TMPRSS11E: variants seen among roughly 807,000 people sequenced by gnomAD.
The protein encoded by TMPRSS11E is transmembrane protease serine 11E.
In TMPRSS11E, 38 loss-of-function variants were observed where a neutral mutation model predicts 48.1. The ratio of observed to expected loss-of-function variants is 0.79; its 90% CI spans 0.61 to 1.04. The LOEUF (loss-of-function observed/expected upper bound fraction) is 1.04. Ranked by LOEUF, TMPRSS11E falls within the 50% of genes least tolerant of loss-of-function variation. TMPRSS11E has a pLI of 0.00. For missense variants in TMPRSS11E, 530 were observed against 510.8 expected, an observed-to-expected ratio of 1.04 and a Z score of -0.36; for synonymous variants, 158 against 171.9, an observed-to-expected ratio of 0.92 and a Z score of 0.63.
At chr4:68,461,041 C>G (rs1728776791) in intron 1 of TMPRSS11E, among the ~76,000 whole-genome samples, 1 of 151,978 alleles carries the variant, frequency 6.6e-6, no homozygotes, top group Non-Finnish European at 1.5e-5. Context: ...CCACCATGCC[C>G]GGCTAATTTT....
At chr4:68,483,009 T>C (rs1729450516) in intron 9 of TMPRSS11E, among the ~76,000 whole-genome samples, 1 of 152,234 alleles carries the variant, frequency 6.6e-6, no homozygotes, top group Admixed American at 6.5e-5. Context: ...AATATCTTTA[T>C]AGCAATGCCA....
intron 1 of TMPRSS11E, among the ~76,000 whole-genome samples, chr4:68,449,989 A>G (rs1728449219): frequency 6.6e-6 from 1 of 151,842 alleles, no homozygotes. Flanking sequence ...GTGTCTGATA[A>G]GGAGGATGAC....
intron 1 of TMPRSS11E, among the ~76,000 whole-genome samples, chr4:68,449,876 G>A (rs1430349154): frequency 2.0e-4 from 30 of 151,820 alleles, no homozygotes; most frequent in Non-Finnish European, 4.4e-5. Context: ...CAAGGGAGAA[G>A]AGTACTCATT....
chr4:68,469,270 G>T (rs1032700508), intron 4 of TMPRSS11E, among the ~76,000 whole-genome samples: 1 of 151,976 alleles, frequency 6.6e-6, no homozygotes, highest in African/African-American at 2.4e-5. Context: ...AGTGCCCCAT[G>T]TAAGACAATA....
At chr4:68,478,415 A>G (rs1339440040) in intron 8 of TMPRSS11E, among the ~76,000 whole-genome samples, 4 of 134,780 alleles carry the variant, frequency 3.0e-5, no homozygotes, top group African/African-American at 1.1e-4. Context: ...AAGTGCTGGG[A>G]TTACAGGTGT....
At chr4:68,469,621 C>A (rs901051579) in intron 4 of TMPRSS11E, among the ~76,000 whole-genome samples, 1 of 151,832 alleles carries the variant, frequency 6.6e-6, no homozygotes, top group African/African-American at 2.4e-5. Context: ...ATTCTGTACT[C>A]TCTGGTGTTT....
At chr4:68,492,829 C>T (rs1217025654) in intron 9 of TMPRSS11E, among the ~76,000 whole-genome samples, 1 of 152,138 alleles carries the variant, frequency 6.6e-6, no homozygotes, top group East Asian at 1.9e-4. Flanking sequence ...CAGAACACGA[C>T]TACCATGAAT....
chr4:68,458,023 T>C (rs537364856), intron 1 of TMPRSS11E, among the ~76,000 whole-genome samples: 1 of 152,284 alleles, frequency 6.6e-6, no homozygotes, highest in African/African-American at 2.4e-5. Context: ...ATGGCACGTG[T>C]ATACCTATGT....
chr4:68,458,629 ACTTT>A (rs758117116), intron 1 of TMPRSS11E, among the ~76,000 whole-genome samples: 2 of 152,184 alleles, frequency 1.3e-5, no homozygotes, highest in Non-Finnish European at 2.9e-5. Flanking sequence ...TCACTTTACT[ACTTT>A]CTTTGAGCAT....
intron 3 of TMPRSS11E, 150 bp from the exon 4 acceptor site, chr4:68,468,729 A>C: frequency 5.8e-6 from 4 of 687,324 alleles, no homozygotes; most frequent in Non-Finnish European, 1.0e-5. Context: ...ACCACAATAG[A>C]TTCCTCAAGC....
intron 3 of TMPRSS11E, among the ~76,000 whole-genome samples, chr4:68,467,674 C>A (rs1281553649): frequency 3.3e-5 from 5 of 152,114 alleles, no homozygotes; most frequent in Non-Finnish European, 7.4e-5. Context: ...GAAGTGAGAC[C>A]CTGGAAACCG....
intron 9 of TMPRSS11E, among the ~76,000 whole-genome samples, chr4:68,489,283 T>A (rs527843758): frequency 1.3e-5 from 2 of 152,248 alleles, no homozygotes; most frequent in East Asian, 1.9e-4. Context: ...CCTTGGGAAA[T>A]TGGGACCAGG....
At chr4:68,486,584 T>C (rs1303432107) in intron 9 of TMPRSS11E, among the ~76,000 whole-genome samples, 1 of 152,232 alleles carries the variant, frequency 6.6e-6, no homozygotes, top group Non-Finnish European at 1.5e-5. Flanking sequence ...GTGCCATACA[T>C]ATGCAGATGA....
At chr4:68,473,580 A>G (rs1013619020) in intron 5 of TMPRSS11E, among the ~76,000 whole-genome samples, 7 of 152,112 alleles carry the variant, frequency 4.6e-5, no homozygotes, top group African/African-American at 1.4e-4. Flanking sequence ...TATCCTATTG[A>G]ACTTCATTTT....
At chr4:68,474,817 A>G in intron 6 of TMPRSS11E, 56 bp downstream of exon 6, 2 of 1,440,976 alleles carry the variant, frequency 1.4e-6, no homozygotes, top group Middle Eastern at 1.8e-4. Flanking sequence ...AGCTAACACT[A>G]TAGGTCATTT....
chr4:68,485,152 T>G (rs1729516853), intron 9 of TMPRSS11E, among the ~76,000 whole-genome samples: 1 of 152,130 alleles, frequency 6.6e-6, no homozygotes, highest in Non-Finnish European at 1.5e-5. Flanking sequence ...GTTTTTTTCT[T>G]TTTTTTCTTT....
chr4:68,461,985 AAT>A (rs1473100953), intron 2 of TMPRSS11E, 40 bp downstream of exon 2: 1 of 1,611,242 alleles, frequency 6.2e-7, no homozygotes, highest in Non-Finnish European at 8.5e-7. Context: ...ATTTACCCCA[AAT>A]ATTTCCTCAT....
intron 1 of TMPRSS11E, 97 bp from the exon 2 acceptor site, chr4:68,461,724 A>G (rs1728795106): frequency 1.3e-6 from 2 of 1,572,534 alleles, no homozygotes; most frequent in Non-Finnish European, 1.7e-6. Flanking sequence ...CGACCCTCCA[A>G]CTGAATGTCC....
At chr4:68,471,665 A>G (rs1729075496) in intron 5 of TMPRSS11E, 42 bp downstream of exon 5, 2 of 1,471,108 alleles carry the variant, frequency 1.4e-6, no homozygotes, top group Middle Eastern at 1.9e-4. Context: ...GAACAGCTTC[A>G]TGTTAGGTTT....
Sources: allele counts gnomAD v4.1 joint callset (sites outside exome capture counted in the v4.1 genomes callset), GRCh38; gene constraint gnomAD v4.1.1; transcripts MANE v1.5; gene names NCBI Gene and HGNC (gene_info 2026-07-23, HGNC 2026-07-21).